Variants in KCNMB2 observed in about 807,000 individuals in gnomAD.
KCNMB2 encodes calcium-activated potassium channel subunit beta-2.
A neutral mutation model predicts 24.5 loss-of-function variants in KCNMB2; 9 were observed. The ratio of observed to expected loss-of-function variants is 0.37; its 90% CI spans 0.22 to 0.64. KCNMB2 has a LOEUF of 0.64. Ranked by LOEUF, KCNMB2 falls within the 30% of genes least tolerant of loss-of-function variation. The pLI, the probability that KCNMB2 is intolerant of heterozygous loss-of-function variation, is 0.63. For synonymous variants in KCNMB2, 109 were observed against 104.4 expected (o/e 1.04, Z -0.27); for missense variants, 226 against 284.3 (o/e 0.79, Z 1.47).
chr3:178,796,003 G>A (rs1030417348), intron 1 of KCNMB2, among the ~76,000 whole-genome samples: 11 of 152,178 alleles, frequency 7.2e-5, no homozygotes, highest in East Asian at 3.9e-4. Context: ...GCTGGACAGC[G>A]CTCTGGAAAT....
At chr3:178,810,564 C>CT (rs1173896128) in intron 2 of KCNMB2, among the ~76,000 whole-genome samples, 3 of 152,086 alleles carry the variant, frequency 2.0e-5, no homozygotes, top group Non-Finnish European at 4.4e-5. Context: ...GTCAGTTTTA[C>CT]TTTTTTTTCC....
intron 1 of KCNMB2, among the ~76,000 whole-genome samples, chr3:178,561,116 C>T (rs932273965): frequency 6.6e-6 from 1 of 152,160 alleles, no homozygotes; most frequent in Non-Finnish European, 1.5e-5. Context: ...AATGAAAACT[C>T]TTTTCTCTAA....
intron 1 of KCNMB2, among the ~76,000 whole-genome samples, chr3:178,623,911 A>C (rs1719009429): frequency 6.6e-6 from 1 of 152,212 alleles, no homozygotes; most frequent in African/African-American, 2.4e-5. Context: ...TCATTGGAAG[A>C]ATATTTGCCC....
intron 1 of KCNMB2, among the ~76,000 whole-genome samples, chr3:178,779,124 G>T (rs1712718045): frequency 6.6e-6 from 1 of 152,174 alleles, no homozygotes; most frequent in African/African-American, 2.4e-5. Flanking sequence ...TTCACAGTGG[G>T]TTATTCTCCA....
chr3:178,684,717 A>ACTACTC (rs1721398864), intron 1 of KCNMB2, among the ~76,000 whole-genome samples: 1 of 151,968 alleles, frequency 6.6e-6, no homozygotes, highest in Admixed American at 6.6e-5. Flanking sequence ...TGTAATCCCA[A>ACTACTC]CTACTCGGGA....
At chr3:178,822,683 T>A (rs575974030) in intron 2 of KCNMB2, among the ~76,000 whole-genome samples, 1 of 152,382 alleles carries the variant, frequency 6.6e-6, no homozygotes, top group African/African-American at 2.4e-5. Flanking sequence ...TTCTCAGATA[T>A]TTTTGGGCTG....
At chr3:178,808,685 G>A (rs941395502) in intron 2 of KCNMB2, among the ~76,000 whole-genome samples, 16 of 152,082 alleles carry the variant, frequency 1.1e-4, no homozygotes, top group African/African-American at 3.9e-4. Flanking sequence ...ATAAATCACT[G>A]AATGTAATAT....
chr3:178,842,299 T>G (rs1179757930), intron 4 of KCNMB2, among the ~76,000 whole-genome samples: 1 of 152,126 alleles, frequency 6.6e-6, no homozygotes, highest in Admixed American at 6.5e-5. Context: ...AGAAAATAAT[T>G]AAAACCTACC....
intron 1 of KCNMB2, among the ~76,000 whole-genome samples, chr3:178,769,885 A>G (rs1036103701): frequency 6.6e-6 from 1 of 152,260 alleles, no homozygotes; most frequent in Non-Finnish European, 1.5e-5. Flanking sequence ...ATTAGAGTAT[A>G]ATTTAAAAAC....
chr3:178,825,276 G>A (rs1392476362), intron 2 of KCNMB2, among the ~76,000 whole-genome samples: 1 of 152,204 alleles, frequency 6.6e-6, no homozygotes, highest in Non-Finnish European at 1.5e-5. Flanking sequence ...TTTGAGGGTT[G>A]AGGGGATTGG....
At chr3:178,738,569 C>T (rs1723390930) in intron 1 of KCNMB2, among the ~76,000 whole-genome samples, 1 of 152,178 alleles carries the variant, frequency 6.6e-6, no homozygotes, top group Admixed American at 6.5e-5. Context: ...AGCCAAACTT[C>T]CTTCTGTCCC....
intron 1 of KCNMB2, among the ~76,000 whole-genome samples, chr3:178,798,797 G>C (rs1477863372): frequency 6.6e-6 from 1 of 151,766 alleles, no homozygotes; most frequent in Non-Finnish European, 1.5e-5. Flanking sequence ...CTAGGTGATG[G>C]GTTGATAGGT....
intron 1 of KCNMB2, among the ~76,000 whole-genome samples, chr3:178,643,220 G>A (rs1000849002): frequency 6.6e-6 from 1 of 152,170 alleles, no homozygotes; most frequent in Non-Finnish European, 1.5e-5. Context: ...TATGGAGCTG[G>A]AGAATGGGTT....
intron 1 of KCNMB2, among the ~76,000 whole-genome samples, chr3:178,539,186 T>A (rs36004176): frequency 0.12 from 18,554 of 152,144 alleles, 1,309 homozygotes; most frequent in Middle Eastern, 0.22. Context: ...ACTAACACAA[T>A]CTTCCCTTTG....
chr3:178,822,529 T>G (rs1714672897), intron 2 of KCNMB2, among the ~76,000 whole-genome samples: 1 of 127,732 alleles, frequency 7.8e-6, no homozygotes, highest in South Asian at 2.4e-4. Flanking sequence ...AGGAGAAGTG[T>G]GTGAACCTAA....
In KCNMB2 at chr3:178,674,227, A is replaced by C. The variant is rs369137610; in HGVS notation, c.-67-133116A>C. Among the ~76,000 whole-genome samples the C allele has an allele frequency of 1.3e-5, 2 of 151,726 alleles. 1 individual carries two copies. The stretch of plus-strand genomic sequence containing the variant: ...CTACACTCACTCCTTGGATGACCTT[A>C]TCTAGTGCCATGGCTCTAAATACCT... On this transcript the variant is annotated intron_variant, in intron 1 of 4. Coordinates refer to ENST00000452583, the MANE Select transcript of KCNMB2 (RefSeq NM_181361.3).
chr3:178,749,328 A>G (rs1723768316), intron 1 of KCNMB2: 1 of 152,240 alleles, frequency 6.6e-6, no homozygotes, highest in Non-Finnish European at 1.5e-5. Flanking sequence ...CTACAACAGT[A>G]AAATTTGGCA....
chr3:178,716,492 G>A (rs1468055668), intron 1 of KCNMB2, among the ~76,000 whole-genome samples: 2 of 147,374 alleles, frequency 1.4e-5, no homozygotes, highest in African/African-American at 5.0e-5. Flanking sequence ...TGCCCAGGCT[G>A]GAGTGCAATG....
intron 1 of KCNMB2, among the ~76,000 whole-genome samples, chr3:178,759,597 C>G (rs1255906427): frequency 3.9e-5 from 5 of 128,316 alleles, no homozygotes; most frequent in Non-Finnish European, 4.9e-5. Context: ...ATATATCTCT[C>G]TCCAAGAGGA....
Sources: allele counts gnomAD v4.1 joint callset (sites outside exome capture counted in the v4.1 genomes callset), GRCh38; gene constraint gnomAD v4.1.1; transcripts MANE v1.5; gene names NCBI Gene and HGNC (gene_info 2026-07-23, HGNC 2026-07-21).